The following ASIC2 variants were observed in gnomAD, a reference collection of about 807,000 sequenced individuals.
The protein encoded by ASIC2 is acid sensing ion channel subunit 2.
In ASIC2, 25 loss-of-function variants were observed where a neutral mutation model predicts 57.3. That is an observed-to-expected ratio of 0.44 (90% confidence interval 0.32 to 0.61). ASIC2 has a LOEUF of 0.61. Among genes scored for constraint, ASIC2 ranks in the 20% least tolerant of loss-of-function variants. The pLI is 0.06. For synonymous variants in ASIC2, 319 were observed against 307.5 expected, an observed-to-expected ratio of 1.04 and a Z score of -0.39; for missense variants, 641 against 738.1, an observed-to-expected ratio of 0.87 and a Z score of 1.52.
At chr17:33,170,172 A>C (rs1403653503) in intron 1 of ASIC2, among the ~76,000 whole-genome samples, 2 of 152,192 alleles carry the variant, frequency 1.3e-5, no homozygotes, top group Non-Finnish European at 2.9e-5. Flanking sequence ...AGTTTTACTC[A>C]CCTGAAAATT....
chr17:33,071,789 T>A (rs1366766611), intron 3 of ASIC2, among the ~76,000 whole-genome samples: 1 of 152,208 alleles, frequency 6.6e-6, no homozygotes. Flanking sequence ...GCTTTTAGTT[T>A]AGGGCTAATT....
At chr17:33,523,860 G>A (rs1054290775) in intron 1 of ASIC2, among the ~76,000 whole-genome samples, 3 of 152,182 alleles carry the variant, frequency 2.0e-5, no homozygotes, top group Admixed American at 6.5e-5. Flanking sequence ...CAGCTGGGAC[G>A]GAGGGGAAGT....
At chr17:33,945,806 G>C (rs1011446242) in intron 1 of ASIC2, among the ~76,000 whole-genome samples, 31 of 152,338 alleles carry the variant, frequency 2.0e-4, no homozygotes, top group African/African-American at 7.2e-4. Flanking sequence ...TCCAGAGCCA[G>C]CTTCTGGTCA....
chr17:33,247,697 C>G (rs527343053), intron 1 of ASIC2, among the ~76,000 whole-genome samples: 34 of 152,150 alleles, frequency 2.2e-4, no homozygotes, highest in Non-Finnish European at 4.7e-4. Flanking sequence ...AGTCAGTTGG[C>G]TAAGCCAAGA....
chr17:34,113,179 C>T (rs1446587314), intron 1 of ASIC2, among the ~76,000 whole-genome samples: 1 of 152,140 alleles, frequency 6.6e-6, no homozygotes, highest in Non-Finnish European at 1.5e-5. Context: ...AGGAGAGGAG[C>T]TCTTTGCTTC....
intron 1 of ASIC2, among the ~76,000 whole-genome samples, chr17:34,103,997 T>G (rs1598028394): frequency 6.6e-6 from 1 of 152,252 alleles, no homozygotes; most frequent in African/African-American, 2.4e-5. Context: ...TTAAAAAGCC[T>G]TATGGAGTTT....
At chr17:33,327,280 G>A (rs1285382530) in intron 1 of ASIC2, among the ~76,000 whole-genome samples, 2 of 152,106 alleles carry the variant, frequency 1.3e-5, no homozygotes, top group Admixed American at 1.3e-4. Flanking sequence ...TAATTTTCCA[G>A]ACTTGAAATG....
intron 1 of ASIC2, among the ~76,000 whole-genome samples, chr17:34,089,362 A>ACTC (rs58657599): frequency 0.18 from 27,099 of 151,956 alleles, 3,029 homozygotes; most frequent in African/African-American, 0.32. Context: ...CTTGTTAGTA[A>ACTC]CTCCTTGCTC....
At chr17:34,022,751 C>G (rs1447163825) in intron 1 of ASIC2, among the ~76,000 whole-genome samples, 1 of 152,084 alleles carries the variant, frequency 6.6e-6, no homozygotes, top group Admixed American at 6.5e-5. Context: ...CCATAGCAAC[C>G]CTTGTTAACT....
intron 1 of ASIC2, among the ~76,000 whole-genome samples, chr17:33,523,564 A>G (rs1265855766): frequency 6.6e-6 from 1 of 152,198 alleles, no homozygotes; most frequent in African/African-American, 2.4e-5. Context: ...GGCTAGGATC[A>G]TAAAACCTCC....
chr17:33,988,205 A>T (rs1351449077), intron 1 of ASIC2, among the ~76,000 whole-genome samples: 1 of 152,244 alleles, frequency 6.6e-6, no homozygotes, highest in Non-Finnish European at 1.5e-5. Context: ...ATGCAAACAC[A>T]TATAAAATAC....
chr17:33,631,060 G>T (rs1216148306), intron 1 of ASIC2, among the ~76,000 whole-genome samples: 1 of 152,172 alleles, frequency 6.6e-6, no homozygotes, highest in Non-Finnish European at 1.5e-5. Context: ...ATAAACCTGG[G>T]TAAGGAGCAA....
intron 1 of ASIC2, among the ~76,000 whole-genome samples, chr17:33,447,100 A>T (rs189298980): frequency 4.3e-4 from 65 of 152,304 alleles, no homozygotes; most frequent in South Asian, 1.7e-3. Context: ...CCACAGAATG[A>T]GCTGTGATCC....
chr17:33,772,105 G>T (rs1443631420), intron 1 of ASIC2, among the ~76,000 whole-genome samples: 1 of 152,142 alleles, frequency 6.6e-6, no homozygotes, highest in East Asian at 1.9e-4. Context: ...AGAGTCACAG[G>T]AGCAGAACCC....
At chr17:33,931,184 A>G (rs1011546129) in intron 1 of ASIC2, 4 of 152,190 alleles carry the variant, frequency 2.6e-5, no homozygotes, top group African/African-American at 9.7e-5. Flanking sequence ...TCACGTCTCC[A>G]AAAACCGAGC....
intron 1 of ASIC2, among the ~76,000 whole-genome samples, chr17:33,995,677 T>C (rs1403391939): frequency 1.3e-5 from 2 of 151,974 alleles, no homozygotes; most frequent in Non-Finnish European, 2.9e-5. Context: ...TGTGTGTATA[T>C]ACACACACAC....
chr17:33,569,924 C>T (rs1214566219), intron 1 of ASIC2, among the ~76,000 whole-genome samples: 1 of 152,168 alleles, frequency 6.6e-6, no homozygotes, highest in Non-Finnish European at 1.5e-5. Context: ...TGAACCCTTC[C>T]TTAGCTCACT....
intron 1 of ASIC2, among the ~76,000 whole-genome samples, chr17:33,185,664 G>A (rs1597620620): frequency 6.6e-6 from 1 of 152,150 alleles, no homozygotes; most frequent in Admixed American, 6.5e-5. Flanking sequence ...TACACAAGAG[G>A]AAAGCACCAG....
rs774912074 is a variant in ASIC2, at chr17:33,291,976, G to A, written c.140C>T (p.Ala47Val). 2 of 1,317,256 alleles carry A rather than the reference G, an allele frequency of 1.5e-6. No individual in the cohort carries two copies. Among genetic ancestry groups the A allele is most frequent in the Admixed American group, 4.0e-5 (1 of 25,174 alleles). The allele number at this position is 1,317,256 out of a possible 1,614,324, so 81.6% of individuals were successfully genotyped here. Residue 47 changes from alanine to valine, a missense_variant, in exon 1 of 10, where the codon GCG becomes GTG. Physicochemically the swap from Ala to Val is moderately conservative, Grantham distance 64. Coordinates refer to ENST00000225823, the MANE Select transcript of ASIC2 (RefSeq NM_183377.2). ...GCGGGCGACCCCTGGCCCCTGCAGC[G>A]CCCGCTCGCCGCCTCTGCCGCCCCC... is the stretch of plus-strand genomic sequence containing the variant. ...QPGGGRGGER[A>V]LQGPGVARRG...
Sources: allele counts gnomAD v4.1 joint callset (sites outside exome capture counted in the v4.1 genomes callset), GRCh38; gene constraint gnomAD v4.1.1; transcripts MANE v1.5; gene names NCBI Gene and HGNC (gene_info 2026-07-23, HGNC 2026-07-21).